Variants in NGEF observed in about 807,000 individuals in gnomAD.
NGEF encodes the protein ephexin-1.
A neutral mutation model predicts 80.9 loss-of-function variants in NGEF; 31 were observed. The observed-to-expected ratio is 0.38, with a 90% CI of 0.29 to 0.52. NGEF has a LOEUF of 0.52. NGEF is among the 20% of genes least tolerant of loss of function. The probability of loss-of-function intolerance (pLI) is 0.84; values close to 1 mark genes in which losing one functional copy is unlikely to be tolerated. For missense variants in NGEF, 709 were observed against 926.2 expected, an observed-to-expected ratio of 0.77 and a Z score of 3.04; for synonymous variants, 371 against 370.2, an observed-to-expected ratio of 1.00 and a Z score of -0.03.
chr2:232,976,998 C>T (rs1694308868), intron 1 of NGEF, among the ~76,000 whole-genome samples: 1 of 152,106 alleles, frequency 6.6e-6, no homozygotes, highest in Admixed American at 6.5e-5. Context: ...TAATACGCAC[C>T]CTTCCCGGGA....
chr2:232,916,395 G>A (rs1692804100), intron 5 of NGEF, among the ~76,000 whole-genome samples: 1 of 152,162 alleles, frequency 6.6e-6, no homozygotes, highest in Non-Finnish European at 1.5e-5. Flanking sequence ...CTAGGCAGTT[G>A]GGCACCAGTG....
rs991440549 is a variant in NGEF, at chr2:232,883,258, C to G, written c.1757+53G>C. 14 of 1,536,810 alleles carry G rather than the reference C, an allele frequency of 9.1e-6. No homozygotes were observed. The African/African-American group carries it at 1.9e-4, about 21-fold the overall frequency. On this transcript the variant is annotated intron_variant, in intron 12 of 14. Coordinates refer to ENST00000264051, the MANE Select transcript of NGEF (RefSeq NM_019850.3). ...GGGACAGGCCCATAGGCATCGAGGC[C>G]ACACAGAAAGGTGCCACGGGTAGCA...
intron 10 of NGEF, chr2:232,884,947 C>G (rs1691626359): frequency 4.4e-6 from 1 of 225,412 alleles, no homozygotes; most frequent in South Asian, 1.3e-4. Context: ...ATCCCTGGAG[C>G]AGCACCCCCC....
chr2:232,898,730 C>A (rs1235475820), intron 5 of NGEF, among the ~76,000 whole-genome samples: 1 of 152,222 alleles, frequency 6.6e-6, no homozygotes, highest in African/African-American at 2.4e-5. Flanking sequence ...AGGCACTGGT[C>A]TAGGCACTGG....
intron 5 of NGEF, among the ~76,000 whole-genome samples, chr2:232,916,393 T>C (rs1174344560): frequency 2.6e-5 from 4 of 152,184 alleles, no homozygotes. Context: ...ACCTAGGCAG[T>C]TGGGCACCAG....
Position 232,884,161 on chromosome 2 carries a change from G to GCTC in NGEF, c.1438-18_1438-17insGAG. 1 of 1,572,224 alleles carries GCTC rather than the reference G, an allele frequency of 6.4e-7. No individual in the cohort carries two copies. The highest frequency in any genetic ancestry group is 8.6e-7 in the Non-Finnish European group (1 of 1,163,756). On this transcript the variant is annotated splice_polypyrimidine_tract_variant and intron_variant, in intron 10 of 14. Coordinates refer to ENST00000264051, the MANE Select transcript of NGEF (RefSeq NM_019850.3). ...GGGCACCGACTGCAGCGGGGAAAGGGCATCAGGCAGGCTGTGCCCACAATG... is the reference window on the plus strand; with the variant it reads ...GGGCACCGACTGCAGCGGGGAAAGGGCTCCATCAGGCAGGCTGTGCCCACAATG...
At chr2:232,922,485 C>T (rs754514253) in intron 4 of NGEF, among the ~76,000 whole-genome samples, 3 of 152,058 alleles carry the variant, frequency 2.0e-5, no homozygotes, top group Non-Finnish European at 4.4e-5. Context: ...GGAGTTGATT[C>T]GACAAAGGAA....
intron 4 of NGEF, among the ~76,000 whole-genome samples, chr2:232,922,938 C>T (rs1451502425): frequency 1.3e-5 from 2 of 151,952 alleles, no homozygotes; most frequent in Non-Finnish European, 2.9e-5. Flanking sequence ...GGTGTGGTGG[C>T]GGGTGCCTAT....
At chr2:232,949,423 T>C (rs1693629868) in intron 3 of NGEF, among the ~76,000 whole-genome samples, 1 of 152,166 alleles carries the variant, frequency 6.6e-6, no homozygotes, top group Non-Finnish European at 1.5e-5. Flanking sequence ...ACATATATTA[T>C]GGAATTACAA....
intron 1 of NGEF, among the ~76,000 whole-genome samples, chr2:232,982,635 A>G (rs1694457156): frequency 6.6e-6 from 1 of 152,114 alleles, no homozygotes; most frequent in African/African-American, 2.4e-5. Context: ...TGCCTCTGCC[A>G]CCTGCATAGC....
chr2:232,930,434 C>T (rs1693195129), intron 3 of NGEF, among the ~76,000 whole-genome samples: 2 of 152,034 alleles, frequency 1.3e-5, no homozygotes, highest in Non-Finnish European at 2.9e-5. Flanking sequence ...ATTCTCCTGC[C>T]TCAGGCTCCC....
In NGEF at chr2:232,956,978, A is replaced by G. The variant is rs374559354; in HGVS notation, c.383+13236T>C. Among the ~76,000 whole-genome samples, 1,408 of 152,046 alleles carry G rather than the reference A, an allele frequency of 9.3e-3. 20 individuals are homozygous for G. The highest frequency in any genetic ancestry group is 0.027 in the African/African-American group (1,117 of 41,448). On this transcript the variant is annotated intron_variant, in intron 3 of 14. Transcript: ENST00000264051. The stretch of plus-strand genomic sequence containing the variant: ...AAGATAAAAAGAGAATTAAAGGGGG[A>G]AAAAAGATTTGGCATTAAGAATTAA...
intron 3 of NGEF, among the ~76,000 whole-genome samples, chr2:232,935,284 T>C (rs1693306358): frequency 6.6e-6 from 1 of 152,180 alleles, no homozygotes; most frequent in Non-Finnish European, 1.5e-5. Flanking sequence ...GTTCAATGCT[T>C]TTATTTTACC....
intron 3 of NGEF, chr2:232,928,253 G>GTT: frequency 6.0e-6 from 5 of 827,254 alleles, no homozygotes; most frequent in African/African-American, 1.9e-5. Context: ...CGGCGGCGGG[G>GTT]CGGGGGCGCC....
At chr2:232,957,566 G>T (rs1260281320) in intron 3 of NGEF, among the ~76,000 whole-genome samples, 1 of 152,170 alleles carries the variant, frequency 6.6e-6, no homozygotes, top group East Asian at 1.9e-4. Context: ...CAGGTGATCT[G>T]CCCGCCTCGG....
intron 3 of NGEF, among the ~76,000 whole-genome samples, chr2:232,939,394 T>C (rs1250507323): frequency 1.3e-5 from 2 of 152,188 alleles, no homozygotes; most frequent in Non-Finnish European, 2.9e-5. Flanking sequence ...AGTGCTAAAA[T>C]GCATTCACTA....
At chr2:232,925,580 A>C (rs1481118521) in intron 4 of NGEF, among the ~76,000 whole-genome samples, 3 of 152,156 alleles carry the variant, frequency 2.0e-5, no homozygotes, top group African/African-American at 7.2e-5. Flanking sequence ...CAGCAGGTTC[A>C]GCCGTCTCCA....
At chr2:232,958,685 C>G (rs1369015682) in intron 3 of NGEF, among the ~76,000 whole-genome samples, 1 of 152,110 alleles carries the variant, frequency 6.6e-6, no homozygotes, top group African/African-American at 2.4e-5. Flanking sequence ...GGTCTCTATA[C>G]TCAAGCTCCT....
intron 3 of NGEF, among the ~76,000 whole-genome samples, chr2:232,965,970 C>A (rs1287034213): frequency 6.6e-6 from 1 of 152,198 alleles, no homozygotes; most frequent in Non-Finnish European, 1.5e-5. Context: ...AGGTTGGCAC[C>A]ACCTGCATGG....
Sources: gnomAD v4.1 joint callset for allele counts (sites outside exome capture counted in the v4.1 genomes callset) on GRCh38, gnomAD v4.1.1 for gene constraint, MANE v1.5 for transcripts, NCBI Gene and HGNC (gene_info 2026-07-23, HGNC 2026-07-21) for gene names.